The following PLEKHH2 variants were observed in gnomAD, a reference collection of about 807,000 sequenced individuals.
PLEKHH2 encodes pleckstrin homology domain-containing family H member 2.
A neutral mutation model predicts 187.9 loss-of-function variants in PLEKHH2; 129 were observed. The observed-to-expected ratio is 0.69, with a 90% CI of 0.59 to 0.79. PLEKHH2 has a LOEUF of 0.79. PLEKHH2 is among the 30% of genes least tolerant of loss of function. The pLI, the probability that PLEKHH2 is intolerant of heterozygous loss-of-function variation, is 0.00. For missense variants in PLEKHH2, 2,076 were observed against 1,751.2 expected, an observed-to-expected ratio of 1.19 and a Z score of -3.31; for synonymous variants, 686 against 605.6, an observed-to-expected ratio of 1.13 and a Z score of -1.95.
At chr2:43,720,801 G>A (rs1670443898) in intron 16 of PLEKHH2, 52 bp downstream of exon 16, 4 of 1,552,968 alleles carry the variant, frequency 2.6e-6, no homozygotes, top group South Asian at 1.2e-5. Flanking sequence ...GTGTGTTAGG[G>A]CTTAAACTTT....
At position 43,767,739 on chromosome 2, in the gene PLEKHH2, T is replaced by C. The variant is rs144252869; in HGVS notation, c.*2141T>C. The C allele has an allele frequency of 1.3e-3, 197 of 152,910 alleles. No individual in the cohort carries two copies. Among genetic ancestry groups the C allele is most frequent in the Non-Finnish European group, 2.4e-3 (161 of 68,034 alleles). The allele number at this position is 152,910 out of a possible 1,614,324, so 9.5% of individuals were successfully genotyped here. ...CAAGTAGTGAAGGCTTATCTTAAAC[T>C]GTGTAGTACCTTAGACTTGGCATTT... On this transcript the variant is annotated 3_prime_UTR_variant, in exon 30 of 30. Transcript: ENST00000282406.
At chr2:43,682,973 C>T (rs1392849810) in intron 3 of PLEKHH2, among the ~76,000 whole-genome samples, 1 of 151,454 alleles carries the variant, frequency 6.6e-6, no homozygotes, top group Non-Finnish European at 1.5e-5. Context: ...ATTTGTTTAT[C>T]CATTTGACTT....
At chr2:43,741,824 TG>T (rs1671577787) in intron 21 of PLEKHH2, among the ~76,000 whole-genome samples, 1 of 152,124 alleles carries the variant, frequency 6.6e-6, no homozygotes, top group Admixed American at 6.5e-5. Context: ...ATTTGACAGG[TG>T]TTATCAATCT....
intron 4 of PLEKHH2, among the ~76,000 whole-genome samples, chr2:43,694,074 A>G (rs1327435363): frequency 1.3e-5 from 2 of 152,158 alleles, no homozygotes; most frequent in Admixed American, 1.3e-4. Context: ...AAAAAAAGCC[A>G]TGCCCCTAAG....
At chr2:43,688,061 A>G (rs1668615031) in intron 3 of PLEKHH2, among the ~76,000 whole-genome samples, 1 of 152,084 alleles carries the variant, frequency 6.6e-6, no homozygotes, top group East Asian at 1.9e-4. Flanking sequence ...TCGGCCTCCC[A>G]AAGTGTTGGG....
chr2:43,724,662 A>G (rs1454695836), intron 16 of PLEKHH2, among the ~76,000 whole-genome samples: 1 of 152,208 alleles, frequency 6.6e-6, no homozygotes, highest in Non-Finnish European at 1.5e-5. Context: ...GGCATTTGGG[A>G]TGATAGTTCG....
intron 2 of PLEKHH2, among the ~76,000 whole-genome samples, chr2:43,651,605 G>T (rs940819709): frequency 2.0e-5 from 3 of 151,942 alleles, no homozygotes; most frequent in African/African-American, 7.2e-5. Context: ...TTTTCATATA[G>T]TTCTGTATAA....
At position 43,743,875 on chromosome 2, in the gene PLEKHH2, GA is replaced by G; in HGVS notation, c.3443del (p.Asn1148IlefsTer3). On this transcript the variant is annotated frameshift_variant, in exon 23 of 30. Transcript: ENST00000282406. LOFTEE classifies it high-confidence loss of function. ...DASTTVEEFL[N>X]TLNQDTGMRK... ...CATCTACCACAGTGGAAGAATTTTT[GA>G]ATACTTTGAACCAGGACACAGGAAT... 6.2e-7 allele frequency: 1 copy of G among 1,613,986 alleles called. No homozygotes were observed. The highest frequency in any genetic ancestry group is 8.5e-7 in the Non-Finnish European group (1 of 1,179,940).
At chr2:43,728,528 A>G (rs1670883029) in intron 17 of PLEKHH2, among the ~76,000 whole-genome samples, 2 of 150,784 alleles carry the variant, frequency 1.3e-5, no homozygotes, top group Non-Finnish European at 3.0e-5. Context: ...AAATGTAGCC[A>G]AAAATTTATG....
chr2:43,640,576 C>T (rs1299256832), intron 1 of PLEKHH2, among the ~76,000 whole-genome samples: 1 of 152,102 alleles, frequency 6.6e-6, no homozygotes, highest in Non-Finnish European at 1.5e-5. Context: ...TATGAGGGTT[C>T]CCATTTCTCT....
intron 2 of PLEKHH2, among the ~76,000 whole-genome samples, chr2:43,653,824 C>G (rs549624389): frequency 6.6e-6 from 1 of 150,414 alleles, no homozygotes; most frequent in Non-Finnish European, 1.5e-5. Flanking sequence ...ACATTTAACT[C>G]TAGGAAAAAA....
intron 23 of PLEKHH2, among the ~76,000 whole-genome samples, chr2:43,745,352 C>A (rs1221091594): frequency 6.6e-6 from 1 of 151,960 alleles, no homozygotes; most frequent in Non-Finnish European, 1.5e-5. Context: ...AATTACAGAA[C>A]CACAAGGGAC....
At chr2:43,697,524 T>C (rs1669151044) in intron 7 of PLEKHH2, among the ~76,000 whole-genome samples, 168 bp downstream of exon 7, 1 of 152,214 alleles carries the variant, frequency 6.6e-6, no homozygotes, top group Non-Finnish European at 1.5e-5. Flanking sequence ...TGTGTCTAAT[T>C]ATTTTGTGTT....
chr2:43,638,248 A>AACACACACACACACAC (rs70965309), intron 1 of PLEKHH2, among the ~76,000 whole-genome samples: 3 of 148,754 alleles, frequency 2.0e-5, no homozygotes, highest in African/African-American at 7.4e-5. Context: ...AAGATCTTTT[A>AACACACACACACACAC]ACACACACAC....
intron 2 of PLEKHH2, 142 bp from the exon 3 acceptor site, chr2:43,678,721 C>G (rs1049251852): frequency 1.5e-5 from 7 of 465,604 alleles, no homozygotes; most frequent in Admixed American, 3.1e-5. Context: ...AGAGGGAGAC[C>G]GTGGGTAGAG....
intron 2 of PLEKHH2, among the ~76,000 whole-genome samples, chr2:43,645,534 G>A (rs1253831971): frequency 6.6e-6 from 1 of 152,124 alleles, no homozygotes; most frequent in African/African-American, 2.4e-5. Flanking sequence ...CAACACTTCA[G>A]ATAAGGCTAG....
At chr2:43,716,376 C>T (rs1262630454) in intron 15 of PLEKHH2, among the ~76,000 whole-genome samples, 1 of 152,150 alleles carries the variant, frequency 6.6e-6, no homozygotes, top group African/African-American at 2.4e-5. Flanking sequence ...CTAATATCCT[C>T]AGTTTTCTTA....
chr2:43,726,244 TC>T, intron 16 of PLEKHH2, 27 bp from the exon 17 acceptor site: 1 of 1,496,072 alleles, frequency 6.7e-7, no homozygotes, highest in East Asian at 2.3e-5. Flanking sequence ...GAAAATGCCT[TC>T]CTCACAATTA....
At chr2:43,686,411 G>T (rs1159694720) in intron 3 of PLEKHH2, among the ~76,000 whole-genome samples, 3 of 152,180 alleles carry the variant, frequency 2.0e-5, no homozygotes, top group Non-Finnish European at 4.4e-5. Context: ...TGGTCAGGCT[G>T]GTCTCAAACT....
Sources: allele counts gnomAD v4.1 joint callset (sites outside exome capture counted in the v4.1 genomes callset), GRCh38; gene constraint gnomAD v4.1.1; transcripts MANE v1.5; gene names NCBI Gene and HGNC (gene_info 2026-07-23, HGNC 2026-07-21).